EPHB6: variants seen among roughly 807,000 people sequenced by gnomAD.
EPHB6 encodes EPH receptor B6, also known as ephrin type-B receptor 6.
In EPHB6, 51 loss-of-function variants were observed where a neutral mutation model predicts 107.0. The observed-to-expected ratio is 0.48, with a 90% confidence interval of 0.38 to 0.60. The LOEUF is 0.60. Among genes scored for constraint, EPHB6 ranks in the 20% least tolerant of loss-of-function variants. The pLI, the probability that EPHB6 is intolerant of heterozygous loss-of-function variation, is 0.00. For synonymous variants in EPHB6, 553 were observed against 549.0 expected (o/e 1.01, Z -0.10); for missense variants, 1,141 against 1,355.5 (o/e 0.84, Z 2.48).
intron 6 of EPHB6, 91 bp from the exon 7 acceptor site, chr7:142,863,875 C>T: frequency 6.4e-7 from 1 of 1,563,800 alleles, no homozygotes; most frequent in Non-Finnish European, 8.8e-7. Flanking sequence ...TTTTAAGTCT[C>T]AGTGGAAGAG....
In EPHB6 at chr7:142,864,174, G is replaced by T. The variant is rs201326184; in HGVS notation, c.374G>T (p.Arg125Leu). 3.1e-6 allele frequency: 5 copies of T among 1,613,886 alleles called. No homozygotes were observed. In the South Asian group the frequency reaches 4.4e-5, roughly 14 times the overall value. Reference sequence around the variant, plus strand: ...CTGGGTGTGAGCGGCGGCACCTGCCGGGAGACCTTCACCCTTTACTACCGT... The same window carrying T: ...CTGGGTGTGAGCGGCGGCACCTGCCTGGAGACCTTCACCCTTTACTACCGT... The part of the protein sequence containing the change: ...SSLGVSGGTC[R>L]ETFTLYYRQA... The change falls in exon 7 of 20, where the codon CGG (arginine) becomes CTG (leucine). Residue 125 changes from arginine (R) to leucine (L), a missense_variant. Arg to Leu is a moderately radical substitution (Grantham distance 102, BLOSUM62 -2). This residue lies in a region of EPHB6 where 221 missense variants were observed against 300.5 expected (regional missense o/e 0.74). Transcript: ENST00000652003.
Position 142,866,741 on chromosome 7 carries a change from C to G in EPHB6, c.1587+136C>G. 6.3e-7 allele frequency: 1 copy of G among 1,578,796 alleles called. No individual in the cohort carries two copies. On this transcript the variant is annotated intron_variant, in intron 10 of 19. Coordinates refer to ENST00000652003, the MANE Select transcript of EPHB6 (RefSeq NM_004445.6). The surrounding 1 kb of genome is among the most constrained non-coding windows in gnomAD (Gnocchi z 5.2). ...GGCTGGCAGGAGCTCACAGTCCCCACAGTAGGGGCCAGAGGCTGAATGGGC... is the reference window on the plus strand; with the variant it reads ...GGCTGGCAGGAGCTCACAGTCCCCAGAGTAGGGGCCAGAGGCTGAATGGGC...
In EPHB6 at chr7:142,870,856, CCAGCTCCTT is replaced by C; in HGVS notation, c.3026_3034del (p.Leu1009_Gln1011del). 6.2e-7 allele frequency: 1 copy of C among 1,614,112 alleles called. No individual in the cohort carries two copies. Among genetic ancestry groups the C allele is most frequent in the Non-Finnish European group, 8.5e-7 (1 of 1,179,986 alleles). Reference sequence around the variant, plus strand: ...ACCAGAAGAAGCTGCTGCACCACATCCAGCTCCTTCAGCAACACCTGAGGCAGCAGGGCT... The same window carrying C: ...ACCAGAAGAAGCTGCTGCACCACATCCAGCAACACCTGAGGCAGCAGGGCT... On this transcript the variant is annotated inframe_deletion, in exon 20 of 20. Transcript: ENST00000652003.
In EPHB6 at chr7:142,864,808, G is replaced by A. The variant is rs1803065874; in HGVS notation, c.949+59G>A. On this transcript the variant is annotated intron_variant, in intron 7 of 19. Transcript: ENST00000652003. ...CCTCCCACCCACCCCCAGCCTTTGG[G>A]CTCCTCTCTGAACACCCCAAAATTC... The A allele has an allele frequency of 4.4e-6, 7 of 1,602,188 alleles. No individual in the cohort carries two copies. In the South Asian group the frequency reaches 7.7e-5, roughly 18 times the overall value.
rs201275355 is a variant in EPHB6, at chr7:142,868,681, G to A, written c.2228G>A (p.Arg743Gln). Residue 743 changes from arginine to glutamine, a missense_variant, in exon 15 of 20, where the codon CGA (arginine) becomes CAA (glutamine). Arg to Gln is a conservative substitution (Grantham distance 43, BLOSUM62 1). Transcript: ENST00000652003. The surrounding 1 kb of genome is among the most constrained non-coding windows in gnomAD (Gnocchi z 4.2). ...CTGGAGGGCGTGGTCACCAAGAGCC[G>A]ACCCCTCATGGTGCTGACGGAGTTC... The part of the protein sequence containing the change: ...LRLEGVVTKS[R>Q]PLMVLTEFME... 159 of 1,613,932 alleles carry A rather than the reference G, an allele frequency of 9.9e-5. No homozygotes were observed. In the Admixed American group the frequency reaches 1.1e-3, roughly 11 times the overall value.
rs566363563 is a variant in EPHB6, at chr7:142,865,772, C to T, written c.1105+142C>T. On this transcript the variant is annotated intron_variant, in intron 8 of 19. Coordinates refer to ENST00000652003, the MANE Select transcript of EPHB6 (RefSeq NM_004445.6). ...TTCTTGGCTTCCTCCCCTCCCTGTC[C>T]CCACCCCCTTCTCTCCCTGACCCAT... is the stretch of plus-strand genomic sequence containing the variant. The T allele has an allele frequency of 9.6e-4, 1,180 of 1,233,544 alleles. 5 individuals are homozygous for T. Among genetic ancestry groups the T allele is most frequent in the Non-Finnish European group, 1.2e-3 (1,032 of 872,474 alleles). The allele number at this position is 1,233,544 out of a possible 1,614,324, so 76.4% of individuals were successfully genotyped here.
chr7:142,865,891 C>T (rs1024369829), intron 8 of EPHB6, 69 bp from the exon 9 acceptor site: 28 of 1,535,382 alleles, frequency 1.8e-5, no homozygotes, highest in Admixed American at 5.0e-5. Context: ...CCCCTGGCTC[C>T]TTCCTTCCTC....
rs746647175 is a variant in EPHB6 at position 142,870,387 on chromosome 7, T to G, written c.2784T>G (p.Ala928=). The change falls in exon 18 of 20, where the codon GCT becomes GCG. Residue 928 remains alanine, a synonymous_variant. Transcript: ENST00000652003. The part of the protein sequence containing the change: ...KMIRKPDTLQ[A]GGDPGERPSQ... ...TCCGCAAGCCAGATACCCTGCAGGC[T>G]GGCGGGGACCCAGGGGAAAGGTCTG... 5.0e-6 allele frequency: 8 copies of G among 1,614,116 alleles called. No homozygotes were observed. The South Asian group carries it at 6.6e-5, about 13-fold the overall frequency.
rs901032459 is a variant in EPHB6 at position 142,855,558 on chromosome 7, A to G, written c.-432+173A>G. On this transcript the variant is annotated intron_variant, in intron 1 of 19. Transcript: ENST00000652003. This position sits in a 1 kb window ranked among gnomAD's most constrained non-coding sequence, Gnocchi z 4.2. ...GAGTGGGGTTCATGAAGGGTGAGGA[A>G]ACGGTCAACCTGGCTACTCCCCTCT... is the stretch of plus-strand genomic sequence containing the variant. Among the ~76,000 whole-genome samples the G allele has an allele frequency of 2.0e-5, 3 of 152,084 alleles. No homozygotes were observed. Among genetic ancestry groups the G allele is most frequent in the Non-Finnish European group, 4.4e-5 (3 of 67,982 alleles).
chr7:142,863,203 ATGG>A lies in EPHB6; in HGVS notation c.-21_-19del, dbSNP rs1462958228. The A allele has an allele frequency of 6.2e-7, 1 of 1,607,076 alleles. No individual in the cohort carries two copies. The highest frequency in any genetic ancestry group is 1.7e-5 in the Admixed American group (1 of 59,960). ...CAGGAGCAGGGTGGTGGCTGGGGCG[ATGG>A]TGGACGCCCTGAAGATGTCCCATGG... On this transcript the variant is annotated 5_prime_UTR_variant, in exon 5 of 20. Transcript: ENST00000652003.
chr7:142,869,260 G>A lies in EPHB6; in HGVS notation c.2460+113G>A. The A allele has an allele frequency of 8.1e-7, 1 of 1,236,396 alleles. No individual in the cohort carries two copies. Among genetic ancestry groups the A allele is most frequent in the South Asian group, 1.3e-5 (1 of 76,818 alleles). The allele number at this position is 1,236,396 out of a possible 1,614,324, so 76.6% of individuals were successfully genotyped here. On this transcript the variant is annotated intron_variant, in intron 16 of 19. Coordinates refer to ENST00000652003, the MANE Select transcript of EPHB6 (RefSeq NM_004445.6). The surrounding 1 kb of genome is among the most constrained non-coding windows in gnomAD (Gnocchi z 4.5). ...TAGGTACCTCAGCCGGGGTGTCATAGTCCCTGAAAGGAGGGAGGCTCTCCT... is the reference window on the plus strand; with the variant it reads ...TAGGTACCTCAGCCGGGGTGTCATAATCCCTGAAAGGAGGGAGGCTCTCCT...
intron 2 of EPHB6, among the ~76,000 whole-genome samples, chr7:142,861,435 T>C (rs2116396476): frequency 6.6e-6 from 1 of 152,360 alleles, no homozygotes; most frequent in Middle Eastern, 3.4e-3. Flanking sequence ...ATGGATACAA[T>C]TAATGAGAAT....
At position 142,867,145 on chromosome 7, in the gene EPHB6, C is replaced by G; in HGVS notation, c.1750+77C>G. On this transcript the variant is annotated intron_variant, in intron 11 of 19. Coordinates refer to ENST00000652003, the MANE Select transcript of EPHB6 (RefSeq NM_004445.6). The surrounding 1 kb of genome is among the most constrained non-coding windows in gnomAD (Gnocchi z 5.3). ...GAGGAGAGGCCCAGGGACTGTCCGG[C>G]CTTGAACCCTGGCCCCGTGCTTCCC... 6.5e-7 allele frequency: 1 copy of G among 1,535,888 alleles called. No individual in the cohort carries two copies. The highest frequency in any genetic ancestry group is 1.4e-5 in the African/African-American group (1 of 73,138).
At chr7:142,858,021 G>A (rs1029994243) in intron 1 of EPHB6, among the ~76,000 whole-genome samples, 3 of 152,086 alleles carry the variant, frequency 2.0e-5, no homozygotes, top group Admixed American at 6.5e-5. Flanking sequence ...AAATGTAAAC[G>A]TATGCTTATT....
Position 142,867,263 on chromosome 7 carries a change from G to A in EPHB6, c.1750+195G>A. ...GGTGGGGAATTGTAGGGGTATGTAT[G>A]CATGTTGAGTGTGGATATAGGAGGG... is the stretch of plus-strand genomic sequence containing the variant. On this transcript the variant is annotated intron_variant, in intron 11 of 19. Transcript: ENST00000652003. The surrounding 1 kb of genome is among the most constrained non-coding windows in gnomAD (Gnocchi z 5.3). 1.5e-6 allele frequency: 1 copy of A among 681,342 alleles called. No individual in the cohort carries two copies. The highest frequency in any genetic ancestry group is 2.5e-6 in the Non-Finnish European group (1 of 405,444). 42.2% of individuals were successfully genotyped at this position (681,342 alleles called of 1,614,324 possible). A position where few individuals can be genotyped will look rare whatever the true frequency, so the allele number is the denominator to read the frequency against.
In EPHB6 at chr7:142,870,605, C is replaced by A. The variant is rs780953641; in HGVS notation, c.2880C>A (p.Ala960=). ...CLDSPQAWLS[A]IGLECYQDNF... ...ACTCACCCCAGGCCTGGCTTTCAGC[C>A]ATTGGACTGGAGTGCTACCAGGACA... The change falls in exon 19 of 20, where the codon GCC becomes GCA. Residue 960 remains alanine, a synonymous_variant. Transcript: ENST00000652003. 13 of 1,614,270 alleles carry A rather than the reference C, an allele frequency of 8.1e-6. No individual in the cohort carries two copies. Among genetic ancestry groups the A allele is most frequent in the Admixed American group, 1.7e-5 (1 of 60,030 alleles).
In EPHB6 at chr7:142,865,537, C is replaced by A. The variant is rs762466445; in HGVS notation, c.1012C>A (p.Arg338Ser). ...GNAPCSPCPA[R>S]SHAPNPAAPV... Reference sequence around the variant, plus strand: ...TGCTCCCTGCTCACCATGCCCTGCCCGCAGTCACGCTCCCAACCCAGCAGC... The same window carrying A: ...TGCTCCCTGCTCACCATGCCCTGCCAGCAGTCACGCTCCCAACCCAGCAGC... Residue 338 changes from arginine to serine, a missense_variant, in exon 8 of 20, where the codon CGC (arginine) becomes AGC (serine). This residue lies in a region of EPHB6 where 304 missense variants were observed against 295.7 expected (regional missense o/e 1.03). Coordinates refer to ENST00000652003, the MANE Select transcript of EPHB6 (RefSeq NM_004445.6). 1.9e-6 allele frequency: 3 copies of A among 1,613,542 alleles called. No homozygotes were observed. The highest frequency in any genetic ancestry group is 1.1e-5 in the South Asian group (1 of 91,070).
chr7:142,861,339 A>G (rs1026865820), intron 2 of EPHB6, among the ~76,000 whole-genome samples, 153 bp downstream of exon 2: 2 of 144,650 alleles, frequency 1.4e-5, no homozygotes, highest in African/African-American at 5.9e-5. Flanking sequence ...CTAAACAGTT[A>G]TTATCCTATA....
rs1586167688 is a variant in EPHB6, at chr7:142,866,832, G to T, written c.1588-74G>T. ...CTGAGAGCCCTGTCAACCAGGGAGG[G>T]TGGCTGGGGGCCTTAGGGGCAGAAG... is the stretch of plus-strand genomic sequence containing the variant. On this transcript the variant is annotated intron_variant, in intron 10 of 19. Transcript: ENST00000652003. This position sits in a 1 kb window ranked among gnomAD's most constrained non-coding sequence, Gnocchi z 5.2. 6.2e-7 allele frequency: 1 copy of T among 1,611,744 alleles called. No homozygotes were observed. The highest frequency in any genetic ancestry group is 8.5e-7 in the Non-Finnish European group (1 of 1,178,194).
Sources: gnomAD v4.1 joint callset for allele counts (sites outside exome capture counted in the v4.1 genomes callset) on GRCh38, gnomAD v4.1.1 for gene constraint, gnomAD v4.1.1 regional missense constraint, Gnocchi (gnomAD v3.1) non-coding constraint, MANE v1.5 for transcripts, NCBI Gene and HGNC (gene_info 2026-07-23, HGNC 2026-07-21) for gene names.